WWC1: variants seen among roughly 807,000 people sequenced by gnomAD.
WWC1 encodes protein KIBRA.
A neutral mutation model predicts 138.4 loss-of-function variants in WWC1; 55 were observed. The ratio of observed to expected loss-of-function variants is 0.40; its 90% confidence interval spans 0.32 to 0.50. The LOEUF (loss-of-function observed/expected upper bound fraction) is 0.50, where lower values mean the gene tolerates loss of function less well. Ranked by LOEUF, WWC1 falls within the 20% of genes least tolerant of loss-of-function variation. WWC1 has a pLI of 0.72. For missense variants in WWC1, 1,226 were observed against 1,420.4 expected, an observed-to-expected ratio of 0.86 and a Z score of 2.20; for synonymous variants, 524 against 564.9, an observed-to-expected ratio of 0.93 and a Z score of 1.03.
rs1779443362 is a variant in WWC1 at position 168,403,017 on chromosome 5, TCTTTC to T, written c.591-3180_591-3176del. 3.3e-5 allele frequency among the ~76,000 whole-genome samples: 3 copies of T among 92,200 alleles called. No individual in the cohort carries two copies. The South Asian group carries it at 1.0e-3, about 31-fold the overall frequency. 60.5% of individuals were successfully genotyped at this position (92,200 alleles called of 152,430 possible). A position where few individuals can be genotyped will look rare whatever the true frequency, so the allele number is the denominator to read the frequency against. ...GCTCTGTTGTTTCTTTTTCTTTCTT[TCTTTC>T]TTTCTTTCTTTCTTTCTTTCTTTCT... On this transcript the variant is annotated intron_variant, in intron 5 of 22. Coordinates refer to ENST00000265293, the MANE Select transcript of WWC1 (RefSeq NM_015238.3).
At chr5:168,297,478 T>A (rs1435312590) in intron 1 of WWC1, among the ~76,000 whole-genome samples, 1 of 151,854 alleles carries the variant, frequency 6.6e-6, no homozygotes, top group Non-Finnish European at 1.5e-5. Context: ...AGTACAAAAT[T>A]AGCCAGGCAT....
At chr5:168,377,656 G>A (rs11954765) in intron 2 of WWC1, among the ~76,000 whole-genome samples, 38,895 of 152,098 alleles carry the variant, frequency 0.26, 5,157 homozygotes, top group South Asian at 0.45. Context: ...AGACATAAAA[G>A]AGGCTAACAA....
chr5:168,403,470 A>G (rs543698530), intron 5 of WWC1, among the ~76,000 whole-genome samples: 1 of 152,224 alleles, frequency 6.6e-6, no homozygotes, highest in Non-Finnish European at 1.5e-5. Context: ...TTCTTTGGGC[A>G]GCTGAGTTAC....
chr5:168,463,553 G>A lies in WWC1; in HGVS notation c.2917-1176G>A, dbSNP rs140573359. Reference sequence around the variant, plus strand: ...GAGATTATACAGGGCGTGTATATTAGCAATGGGATTTGAGAAACCATTTTA... The same window carrying A: ...GAGATTATACAGGGCGTGTATATTAACAATGGGATTTGAGAAACCATTTTA... On this transcript the variant is annotated intron_variant, in intron 20 of 22. Transcript: ENST00000265293. Among the ~76,000 whole-genome samples the A allele has an allele frequency of 1.2e-4, 18 of 152,304 alleles. No homozygotes were observed. The East Asian group carries it at 3.5e-3, about 29-fold the overall frequency.
chr5:168,424,284 A>G (rs543048763), intron 11 of WWC1, among the ~76,000 whole-genome samples: 59 of 152,326 alleles, frequency 3.9e-4, no homozygotes, highest in African/African-American at 1.3e-3. Context: ...CTGTCCTCCA[A>G]CAGACATTTA....
intron 2 of WWC1, among the ~76,000 whole-genome samples, chr5:168,374,233 A>T (rs1210452928): frequency 6.6e-6 from 1 of 152,184 alleles, no homozygotes; most frequent in Non-Finnish European, 1.5e-5. Flanking sequence ...TCATTTTGGC[A>T]GGAGAGACAA....
At chr5:168,380,214 G>A (rs1286264785) in intron 2 of WWC1, among the ~76,000 whole-genome samples, 1 of 152,190 alleles carries the variant, frequency 6.6e-6, no homozygotes, top group Non-Finnish European at 1.5e-5. Flanking sequence ...GGGTGCTGAG[G>A]TGGAGGGTCA....
At chr5:168,320,514 T>C (rs939139609) in intron 1 of WWC1, among the ~76,000 whole-genome samples, 2 of 152,170 alleles carry the variant, frequency 1.3e-5, no homozygotes, top group African/African-American at 4.8e-5. Flanking sequence ...CAGTTTCCCG[T>C]CTGTGAAATG....
At position 168,292,481 on chromosome 5, in the gene WWC1, T is replaced by C. The variant is rs1769141810; in HGVS notation, c.119+210T>C. Among the ~76,000 whole-genome samples the C allele has an allele frequency of 6.6e-6, 1 of 151,050 alleles. No individual in the cohort carries two copies. The highest frequency in any genetic ancestry group is 1.5e-5 in the Non-Finnish European group (1 of 67,858). On this transcript the variant is annotated intron_variant, in intron 1 of 22. Transcript: ENST00000265293. This position sits in a 1 kb window ranked among gnomAD's most constrained non-coding sequence, Gnocchi z 4.4. ...CGAGAGGAGGCGCCTGCCGGGGAGC[T>C]GGCCCAGGCTGCCCCACCGCCATCC... is the stretch of plus-strand genomic sequence containing the variant.
chr5:168,319,198 T>C (rs566945633), intron 1 of WWC1, among the ~76,000 whole-genome samples: 40 of 152,102 alleles, frequency 2.6e-4, no homozygotes, highest in Non-Finnish European at 5.4e-4. Flanking sequence ...GGTGAGTGGA[T>C]CACCTGACGT....
intron 2 of WWC1, among the ~76,000 whole-genome samples, chr5:168,371,783 T>A (rs1009818962): frequency 6.6e-6 from 1 of 152,212 alleles, no homozygotes; most frequent in Non-Finnish European, 1.5e-5. Flanking sequence ...CCCAATTTTA[T>A]GGGGGCAGCC....
At chr5:168,316,299 C>T (rs1276441567) in intron 1 of WWC1, among the ~76,000 whole-genome samples, 11 of 152,194 alleles carry the variant, frequency 7.2e-5, no homozygotes, top group Admixed American at 1.3e-4. Flanking sequence ...TGCCTGGGAT[C>T]GAAAGGACAT....
chr5:168,398,754 C>T (rs1160634758), intron 4 of WWC1, among the ~76,000 whole-genome samples: 1 of 152,078 alleles, frequency 6.6e-6, no homozygotes, highest in Non-Finnish European at 1.5e-5. Flanking sequence ...GGGGGTGAGG[C>T]AGTAGAGAGT....
Position 168,292,360 on chromosome 5 carries a change from G to C in WWC1, c.119+89G>C. 6.8e-7 allele frequency: 1 copy of C among 1,460,344 alleles called. No individual in the cohort carries two copies. The highest frequency in any genetic ancestry group is 2.2e-5 in the Admixed American group (1 of 45,016). 90.5% of individuals were successfully genotyped at this position (1,460,344 alleles called of 1,614,324 possible). A position where few individuals can be genotyped will look rare whatever the true frequency, so the allele number is the denominator to read the frequency against. ...AGCCGCCGGCCGGGACTGGGAGGGG[G>C]CAGGGGAGCTCTGCGTGCCTCTTGA... On this transcript the variant is annotated intron_variant, in intron 1 of 22. Transcript: ENST00000265293. The surrounding 1 kb of genome is among the most constrained non-coding windows in gnomAD (Gnocchi z 4.4).
Position 168,399,628 on chromosome 5 carries a change from C to G in WWC1, c.590+61C>G, listed in dbSNP as rs1448520272. 4.0e-6 allele frequency: 6 copies of G among 1,513,890 alleles called. No homozygotes were observed. The Admixed American group carries it at 8.6e-5, about 22-fold the overall frequency. 93.8% of individuals were successfully genotyped at this position (1,513,890 alleles called of 1,614,324 possible). ...CTCCCCACCCTGGTTCCCCTCCTGT[C>G]CTCTCTGTCTCTCTCTCCTTCAGTC... On this transcript the variant is annotated intron_variant, in intron 5 of 22. Coordinates refer to ENST00000265293, the MANE Select transcript of WWC1 (RefSeq NM_015238.3).
At chr5:168,335,787 T>A (rs1490137995) in intron 1 of WWC1, among the ~76,000 whole-genome samples, 6 of 152,224 alleles carry the variant, frequency 3.9e-5, no homozygotes, top group African/African-American at 1.4e-4. Context: ...AATTTAATTG[T>A]TTATAAAACT....
chr5:168,458,107 G>A (rs1756493938), intron 19 of WWC1, among the ~76,000 whole-genome samples: 1 of 152,094 alleles, frequency 6.6e-6, no homozygotes, highest in African/African-American at 2.4e-5. Context: ...CATAAGGTGG[G>A]GTTTTCTCAC....
At position 168,464,934 on chromosome 5, in the gene WWC1, G is replaced by A. The variant is rs145892564; in HGVS notation, c.3122G>A (p.Arg1041His). The change falls in exon 21 of 23, where the codon CGC becomes CAC. Residue 1041 changes from arginine to histidine, a missense_variant. Transcript: ENST00000265293. ...TGGTTGCGTGAGGACGAGCGTTTCC[G>A]CCTGCTGCTGAGGATGCTGGAGAAG... Reference protein sequence around the residue: ...PQWLREDERFRLLLRMLEKRQ... With the variant: ...PQWLREDERFHLLLRMLEKRQ... 21 of 1,613,968 alleles carry A rather than the reference G, an allele frequency of 1.3e-5. No individual in the cohort carries two copies. The highest frequency in any genetic ancestry group is 5.5e-5 in the South Asian group (5 of 91,086).
intron 3 of WWC1, among the ~76,000 whole-genome samples, chr5:168,392,815 C>T (rs113930839): frequency 6.8e-4 from 104 of 152,214 alleles, no homozygotes; most frequent in African/African-American, 2.5e-3. Context: ...AACCAAGATT[C>T]CAGATATCCG....
Sources: allele counts gnomAD v4.1 joint callset (sites outside exome capture counted in the v4.1 genomes callset), GRCh38; gene constraint gnomAD v4.1.1; non-coding constraint Gnocchi (gnomAD v3.1); transcripts MANE v1.5; gene names NCBI Gene and HGNC (gene_info 2026-07-23, HGNC 2026-07-21).